The following GRID1 variants were observed in gnomAD, a reference collection of about 807,000 sequenced individuals.
GRID1 encodes the protein glutamate ionotropic receptor delta type subunit 1, also known as glutamate receptor ionotropic, delta-1.
In GRID1, 28 loss-of-function variants were observed where a neutral mutation model predicts 98.0. The observed-to-expected ratio is 0.29, with a 90% CI of 0.21 to 0.39. The LOEUF (loss-of-function observed/expected upper bound fraction) is 0.39. Among genes scored for constraint, GRID1 ranks in the 10% least tolerant of loss-of-function variants. GRID1 has a pLI of 1.00. For missense variants in GRID1, 1,111 were observed against 1,340.5 expected, an observed-to-expected ratio of 0.83 and a Z score of 2.67; for synonymous variants, 553 against 538.5, an observed-to-expected ratio of 1.03 and a Z score of -0.37.
At chr10:85,865,975 A>ATATG (rs1564613358) in intron 6 of GRID1, among the ~76,000 whole-genome samples, 2 of 127,286 alleles carry the variant, frequency 1.6e-5, no homozygotes, top group African/African-American at 5.6e-5. Context: ...AGAGAGAGAG[A>ATATG]GAGAGAGAGA....
chr10:86,299,882 T>C (rs939801714), intron 2 of GRID1, among the ~76,000 whole-genome samples: 32 of 152,134 alleles, frequency 2.1e-4, no homozygotes, highest in Non-Finnish European at 2.6e-4. Flanking sequence ...CTGCTGACAA[T>C]CTCCATGAGG....
chr10:85,892,965 A>G (rs1841226703), intron 5 of GRID1, among the ~76,000 whole-genome samples: 1 of 152,146 alleles, frequency 6.6e-6, no homozygotes, highest in Non-Finnish European at 1.5e-5. Flanking sequence ...TACAGATTTA[A>G]AATTTCTTTA....
intron 4 of GRID1, among the ~76,000 whole-genome samples, chr10:85,946,384 A>C (rs1219468232): frequency 2.0e-5 from 3 of 152,210 alleles, no homozygotes; most frequent in Non-Finnish European, 4.4e-5. Context: ...CATTCGACCC[A>C]AGTGTCAACT....
At chr10:85,899,375 G>A (rs1841346099) in intron 5 of GRID1, among the ~76,000 whole-genome samples, 1 of 152,182 alleles carries the variant, frequency 6.6e-6, no homozygotes, top group Non-Finnish European at 1.5e-5. Flanking sequence ...CAATCCACAT[G>A]AGAGTGCAGA....
intron 3 of GRID1, among the ~76,000 whole-genome samples, chr10:86,150,747 G>T (rs976588929): frequency 2.0e-5 from 3 of 152,194 alleles, no homozygotes; most frequent in African/African-American, 4.8e-5. Flanking sequence ...TATAAGGGCA[G>T]AGACCTCCTG....
rs535991432 is a variant in GRID1 at position 85,977,075 on chromosome 10, G to A, written c.727-60836C>T. Among the ~76,000 whole-genome samples, 5 of 152,338 alleles carry A rather than the reference G, an allele frequency of 3.3e-5. 1 individual carries two copies. The South Asian group carries it at 1.0e-3, about 32-fold the overall frequency. On this transcript the variant is annotated intron_variant, in intron 4 of 15. Coordinates refer to ENST00000327946, the MANE Select transcript of GRID1 (RefSeq NM_017551.3). Reference sequence around the variant, plus strand: ...CCATGAAACCTGTGTAGGAGCCAGGGCTGCTTAAATCCTGGGACATACTCT... The same window carrying A: ...CCATGAAACCTGTGTAGGAGCCAGGACTGCTTAAATCCTGGGACATACTCT...
chr10:85,727,999 G>A lies in GRID1; in HGVS notation c.1389C>T (p.Tyr463=). The A allele has an allele frequency of 6.2e-7, 1 of 1,613,870 alleles. No individual in the cohort carries two copies. The highest frequency in any genetic ancestry group is 8.5e-7 in the Non-Finnish European group (1 of 1,179,774). ...AENILGQPKR[Y]KGFSIDVLDA... is the part of the protein sequence containing the mutation. ...CCAGGACATCTATGGAGAACCCTTT[G>A]TAGCGCTTGGGCTGTCCTAGGATGT... Residue 463 remains tyrosine, a synonymous_variant, in exon 10 of 16, where the codon TAC becomes TAT. Coordinates refer to ENST00000327946, the MANE Select transcript of GRID1 (RefSeq NM_017551.3).
chr10:85,734,853 T>C (rs925841121), intron 8 of GRID1, among the ~76,000 whole-genome samples: 3 of 151,466 alleles, frequency 2.0e-5, no homozygotes, highest in African/African-American at 7.3e-5. Context: ...TCACAAGAAA[T>C]AATCCAGTGG....
Position 86,360,652 on chromosome 10 carries a change from C to T in GRID1, c.235+3289G>A, listed in dbSNP as rs537255442. ...ATGGATTCACAGTTGGGTCAAGGAA[C>T]GGAAAGGGAATTACTGTTTACAGAA... On this transcript the variant is annotated intron_variant, in intron 2 of 15. Coordinates refer to ENST00000327946, the MANE Select transcript of GRID1 (RefSeq NM_017551.3). Among the ~76,000 whole-genome samples, 22 of 152,298 alleles carry T rather than the reference C, an allele frequency of 1.4e-4. No individual in the cohort carries two copies. In the East Asian group the frequency reaches 2.1e-3, roughly 15 times the overall value.
intron 7 of GRID1, among the ~76,000 whole-genome samples, chr10:85,855,215 A>G (rs976344460): frequency 3.3e-5 from 5 of 152,236 alleles, no homozygotes; most frequent in African/African-American, 1.2e-4. Flanking sequence ...AAATATGTAC[A>G]AAGCACAGCA....
intron 12 of GRID1, among the ~76,000 whole-genome samples, chr10:85,649,698 T>G (rs1482648202): frequency 6.6e-6 from 1 of 151,938 alleles, no homozygotes; most frequent in Non-Finnish European, 1.5e-5. Flanking sequence ...AAATGGAGAT[T>G]TTCTCTCTCC....
intron 8 of GRID1, among the ~76,000 whole-genome samples, chr10:85,739,741 A>G (rs1241938617): frequency 6.6e-6 from 1 of 152,238 alleles, no homozygotes; most frequent in Non-Finnish European, 1.5e-5. Context: ...GGGTTTAGGA[A>G]GAATATAAGT....
At chr10:85,714,393 C>T (rs575021648) in intron 12 of GRID1, among the ~76,000 whole-genome samples, 8 of 151,674 alleles carry the variant, frequency 5.3e-5, no homozygotes, top group South Asian at 2.1e-4. Context: ...ACATGTACCC[C>T]GAACCTAAAA....
rs1459457914 is a variant in GRID1, at chr10:85,798,410, T to C, written c.1233+56086A>G. Among the ~76,000 whole-genome samples, 5 of 152,354 alleles carry C rather than the reference T, an allele frequency of 3.3e-5. No individual in the cohort carries two copies. In the East Asian group the frequency reaches 9.6e-4, roughly 29 times the overall value. ...ACAGTAGTGGAATTGTCGGATTATA[T>C]GGTAGTTCTATTTGTAGTTTTTTGA... On this transcript the variant is annotated intron_variant, in intron 8 of 15. Coordinates refer to ENST00000327946, the MANE Select transcript of GRID1 (RefSeq NM_017551.3).
At chr10:86,353,096 A>G (rs1027080376) in intron 2 of GRID1, among the ~76,000 whole-genome samples, 1 of 152,184 alleles carries the variant, frequency 6.6e-6, no homozygotes, top group African/African-American at 2.4e-5. Flanking sequence ...AGTGTGCACT[A>G]CAAACTGCCC....
At chr10:86,264,167 C>T (rs1192726035) in intron 2 of GRID1, among the ~76,000 whole-genome samples, 1 of 152,184 alleles carries the variant, frequency 6.6e-6, no homozygotes, top group African/African-American at 2.4e-5. Context: ...TGCAGTACCA[C>T]CCCACGCTGG....
chr10:85,965,953 A>T (rs557123269), intron 4 of GRID1, among the ~76,000 whole-genome samples: 18 of 152,270 alleles, frequency 1.2e-4, no homozygotes, highest in Middle Eastern at 6.8e-3. Flanking sequence ...GAGTAGCCTT[A>T]AAAACCAGCA....
At chr10:85,660,533 T>G (rs972114579) in intron 12 of GRID1, among the ~76,000 whole-genome samples, 5 of 151,910 alleles carry the variant, frequency 3.3e-5, no homozygotes, top group Non-Finnish European at 7.4e-5. Context: ...TCCTAATTCT[T>G]AGGACTCTGG....
At chr10:86,217,659 G>A (rs1211111674) in intron 2 of GRID1, among the ~76,000 whole-genome samples, 1 of 152,168 alleles carries the variant, frequency 6.6e-6, no homozygotes, top group South Asian at 2.1e-4. Flanking sequence ...TGGTGCTCCT[G>A]TAAGCAACAC....
Sources: gnomAD v4.1 joint callset for allele counts (sites outside exome capture counted in the v4.1 genomes callset) on GRCh38, gnomAD v4.1.1 for gene constraint, MANE v1.5 for transcripts, NCBI Gene and HGNC (gene_info 2026-07-23, HGNC 2026-07-21) for gene names.